Variants in PKIB observed in about 807,000 individuals in gnomAD.
PKIB encodes the protein PKI-beta.
A neutral mutation model predicts 4.5 loss-of-function variants in PKIB; 2 were observed. The ratio of observed to expected loss-of-function variants is 0.44; its 90% CI spans 0.18 to 1.39. The LOEUF is 1.39. Ranked by LOEUF, PKIB falls within the 40% of genes most tolerant of loss-of-function variation. The pLI is 0.27. For synonymous variants in PKIB, 38 were observed against 36.0 expected (o/e 1.06, Z -0.20); for missense variants, 94 against 92.6 (o/e 1.02, Z -0.06).
intron 3 of PKIB, among the ~76,000 whole-genome samples, chr6:122,600,796 T>G (rs897984693): frequency 6.6e-6 from 1 of 152,086 alleles, no homozygotes; most frequent in Non-Finnish European, 1.5e-5. Context: ...TGAGTAGGCA[T>G]GCAGGGAAGC....
chr6:122,550,348 T>C (rs1043947532), intron 2 of PKIB, among the ~76,000 whole-genome samples: 1 of 152,194 alleles, frequency 6.6e-6, no homozygotes, highest in Non-Finnish European at 1.5e-5. Flanking sequence ...TACAATAGAG[T>C]TATATCAGAA....
chr6:122,507,080 T>A (rs1776432750), intron 2 of PKIB, among the ~76,000 whole-genome samples: 1 of 152,180 alleles, frequency 6.6e-6, no homozygotes, highest in African/African-American at 2.4e-5. Flanking sequence ...GGGTTTAAAT[T>A]GTTTTAATTG....
intron 2 of PKIB, chr6:122,479,408 G>T (rs969673859): frequency 6.6e-6 from 1 of 152,006 alleles, no homozygotes; most frequent in Admixed American, 6.6e-5. Context: ...CTAATTGAGT[G>T]GCCTAGGAAA....
intron 3 of PKIB, among the ~76,000 whole-genome samples, chr6:122,688,390 T>C (rs9375163): frequency 0.25 from 38,712 of 152,004 alleles, 5,499 homozygotes; most frequent in East Asian, 0.54. Flanking sequence ...TGATATTCTT[T>C]AGGGATATTG....
intron 2 of PKIB, among the ~76,000 whole-genome samples, chr6:122,562,564 G>A (rs1773067173): frequency 6.6e-6 from 1 of 152,152 alleles, no homozygotes; most frequent in African/African-American, 2.4e-5. Flanking sequence ...CAAGCTTTTG[G>A]AATTCTCTTC....
intron 3 of PKIB, among the ~76,000 whole-genome samples, chr6:122,598,863 G>A (rs1051247386): frequency 6.6e-6 from 1 of 151,848 alleles, no homozygotes; most frequent in African/African-American, 2.4e-5. Flanking sequence ...CTACTTAGTG[G>A]GCCCAAATCA....
At chr6:122,479,788 T>C (rs1384510330) in intron 2 of PKIB, 1 of 152,150 alleles carries the variant, frequency 6.6e-6, no homozygotes, top group Non-Finnish European at 1.5e-5. Context: ...TTAAGTTCTT[T>C]TGTATATAGA....
At chr6:122,681,888 C>T (rs568896098) in intron 3 of PKIB, among the ~76,000 whole-genome samples, 7 of 152,244 alleles carry the variant, frequency 4.6e-5, no homozygotes, top group East Asian at 3.9e-4. Context: ...AGAAAGCATG[C>T]GCTAATGTGT....
chr6:122,525,773 A>G (rs1333607689), intron 2 of PKIB, among the ~76,000 whole-genome samples: 2 of 152,134 alleles, frequency 1.3e-5, no homozygotes, highest in East Asian at 1.9e-4. Context: ...CTGACTGATC[A>G]GGGTGGTGGT....
chr6:122,543,362 T>A (rs533399749), intron 2 of PKIB, among the ~76,000 whole-genome samples: 4 of 151,350 alleles, frequency 2.6e-5, no homozygotes, highest in Non-Finnish European at 5.9e-5. Context: ...CTCCTTTTTT[T>A]TTTTTTTTTT....
chr6:122,610,062 G>T (rs1774682635), upstream of PKIB, among the ~76,000 whole-genome samples: 2 of 152,148 alleles, frequency 1.3e-5, no homozygotes, highest in Admixed American at 6.5e-5. Context: ...AGCAGGAAGG[G>T]AATTGAAATT....
intron 2 of PKIB, among the ~76,000 whole-genome samples, chr6:122,642,364 GT>G (rs1480222135): frequency 6.6e-6 from 1 of 152,184 alleles, no homozygotes; most frequent in Admixed American, 6.5e-5. Flanking sequence ...AGCTTTTCTA[GT>G]TCATTGTTCT....
intron 2 of PKIB, among the ~76,000 whole-genome samples, chr6:122,546,017 G>A (rs777784044): frequency 6.6e-6 from 1 of 151,850 alleles, no homozygotes; most frequent in Non-Finnish European, 1.5e-5. Context: ...AGTCCCAGGA[G>A]CAGGGGTTTT....
intron 2 of PKIB, among the ~76,000 whole-genome samples, chr6:122,511,260 T>G (rs936727480): frequency 6.6e-6 from 1 of 152,212 alleles, no homozygotes; most frequent in Non-Finnish European, 1.5e-5. Flanking sequence ...TCTCTGTTTT[T>G]GGAACCAAGC....
intron 3 of PKIB, among the ~76,000 whole-genome samples, chr6:122,692,186 AT>A (rs1778382883): frequency 6.6e-6 from 1 of 152,096 alleles, no homozygotes; most frequent in Non-Finnish European, 1.5e-5. Flanking sequence ...CGCTGTAACC[AT>A]CCCCTGTCTA....
chr6:122,491,743 G>A (rs993161856), intron 2 of PKIB, among the ~76,000 whole-genome samples: 2 of 152,110 alleles, frequency 1.3e-5, no homozygotes, highest in Admixed American at 1.3e-4. Context: ...TTATAGTTTT[G>A]ATCTGATTTC....
rs34795750 is a variant in PKIB, at chr6:122,591,886, GTT to G, written c.-161+5894_-161+5895del. ...ATGAGTGTGTCACTGTGCCTGGCTA[GTT>G]TTTTTTTTTTTTTTAATCATCCATA... On this transcript the variant is annotated intron_variant, in intron 3 of 6. Transcript: ENST00000392491. 6.7e-3 allele frequency among the ~76,000 whole-genome samples: 953 copies of G among 142,680 alleles called. 10 individuals are homozygous for G. The highest frequency in any genetic ancestry group is 0.013 in the African/African-American group (515 of 38,908). The allele number at this position is 142,680 out of a possible 152,430, so 93.6% of individuals were successfully genotyped here.
At chr6:122,699,062 C>T (rs1389749772) in intron 3 of PKIB, among the ~76,000 whole-genome samples, 1 of 151,994 alleles carries the variant, frequency 6.6e-6, no homozygotes, top group Non-Finnish European at 1.5e-5. Flanking sequence ...TATACCTGTG[C>T]TCCTGGAGAA....
rs192901625 is a variant in PKIB, at chr6:122,662,189, T to C, written c.-75-12889T>C. 2.6e-3 allele frequency among the ~76,000 whole-genome samples: 400 copies of C among 152,098 alleles called. 2 individuals carry two copies. The highest frequency in any genetic ancestry group is 4.1e-3 in the Non-Finnish European group (281 of 67,962). The stretch of plus-strand genomic sequence containing the variant: ...GTGTCATTTGGTGCACAAAGGCTTT[T>C]TATTTTGATGAAGTTCAATTTATCA... On this transcript the variant is annotated intron_variant, in intron 2 of 4. Coordinates refer to ENST00000368452, the MANE Select transcript of PKIB (RefSeq NM_181795.3).
Sources: allele counts gnomAD v4.1 joint callset (sites outside exome capture counted in the v4.1 genomes callset), GRCh38; gene constraint gnomAD v4.1.1; transcripts MANE v1.5; gene names NCBI Gene and HGNC (gene_info 2026-07-23, HGNC 2026-07-21).